Variants in LRRD1 observed in about 807,000 individuals in gnomAD.
LRRD1 encodes the protein leucine rich repeats and death domain containing 1, also known as leucine-rich repeat and death domain-containing protein 1.
In LRRD1, 49 loss-of-function variants were observed where a neutral mutation model predicts 69.5. That is an observed-to-expected ratio of 0.70 (90% CI 0.56 to 0.89). The LOEUF is 0.89. LRRD1 is among the 40% of genes least tolerant of loss of function. The pLI, the probability that LRRD1 is intolerant of heterozygous loss-of-function variation, is 0.00. For missense variants in LRRD1, 853 were observed against 956.0 expected (o/e 0.89, Z 1.42); for synonymous variants, 303 against 338.9 (o/e 0.89, Z 1.16).
intron 3 of LRRD1, among the ~76,000 whole-genome samples, chr7:92,155,403 A>G (rs987697777): frequency 6.6e-5 from 10 of 152,158 alleles, no homozygotes; most frequent in Non-Finnish European, 1.0e-4. Flanking sequence ...TGAATTGTTT[A>G]TTTCTGGAAT....
In LRRD1 at chr7:92,151,962, AAAG is replaced by A. The variant is rs1820479395; in HGVS notation, c.2117-1270_2117-1268del. On this transcript the variant is annotated intron_variant, in intron 3 of 5. Transcript: ENST00000458448. ...GGAACTCCATCTCAAAAAAAAAAAA[AAAG>A]AAGTAAAACTGTGGTAAAAATGAAT... Among the ~76,000 whole-genome samples, 6 of 151,342 alleles carry A rather than the reference AAAG, an allele frequency of 4.0e-5. No individual in the cohort carries two copies. In the East Asian group the frequency reaches 1.2e-3, roughly 29 times the overall value.
chr7:92,153,430 T>A (rs1351493637), intron 3 of LRRD1, among the ~76,000 whole-genome samples: 1 of 152,164 alleles, frequency 6.6e-6, no homozygotes, highest in Admixed American at 6.5e-5. Context: ...TATACCAATT[T>A]TTATTAAGTT....
intron 1 of LRRD1, among the ~76,000 whole-genome samples, chr7:92,170,019 T>A (rs1275635054): frequency 6.7e-6 from 1 of 149,080 alleles, no homozygotes; most frequent in East Asian, 2.0e-4. Context: ...GCAGTTAAGC[T>A]GAGCCAAGAT....
intron 1 of LRRD1, among the ~76,000 whole-genome samples, chr7:92,170,003 G>A (rs191377636): frequency 6.6e-6 from 1 of 151,816 alleles, no homozygotes; most frequent in Non-Finnish European, 1.5e-5. Flanking sequence ...CCAGGAGGTT[G>A]AGGCTGCAGT....
chr7:92,144,401 G>A (rs536379134), downstream of LRRD1, among the ~76,000 whole-genome samples: 1 of 152,140 alleles, frequency 6.6e-6, no homozygotes, highest in South Asian at 2.1e-4. Context: ...GGCCCAGGCG[G>A]GCAGATCACA....
Position 92,144,864 on chromosome 7 carries a change from C to T in LRRD1, c.*24G>A. Reference sequence around the variant, plus strand: ...CAATTATAAGTGCATCAAAAGTTTTCAGTTTTTATTATTGATCCACTGGTT... The same window carrying T: ...CAATTATAAGTGCATCAAAAGTTTTTAGTTTTTATTATTGATCCACTGGTT... On this transcript the variant is annotated 3_prime_UTR_variant, in exon 6 of 6. Coordinates refer to ENST00000458448, the MANE Select transcript of LRRD1 (RefSeq NM_001161528.2). The T allele has an allele frequency of 7.2e-7, 1 of 1,397,634 alleles. No homozygotes were observed. The highest frequency in any genetic ancestry group is 9.5e-7 in the Non-Finnish European group (1 of 1,047,840). 86.6% of individuals were successfully genotyped at this position (1,397,634 alleles called of 1,614,324 possible). A position where few individuals can be genotyped will look rare whatever the true frequency, so the allele number is the denominator to read the frequency against.
downstream of LRRD1, chr7:92,142,087 C>A (rs1216925818): frequency 5.6e-6 from 1 of 177,138 alleles, no homozygotes; most frequent in Non-Finnish European, 1.2e-5. Context: ...GAACTACAGG[C>A]GCCCGCCACC....
chr7:92,154,302 C>T (rs552577522), intron 3 of LRRD1, among the ~76,000 whole-genome samples: 2 of 152,006 alleles, frequency 1.3e-5, no homozygotes, highest in East Asian at 3.9e-4. Flanking sequence ...TGCAGTGGCA[C>T]GATCTTGGCT....
chr7:92,163,342 G>C lies in LRRD1; in HGVS notation c.1861C>G (p.Leu621Val), dbSNP rs956367615. 3.9e-6 allele frequency: 6 copies of C among 1,536,340 alleles called. No homozygotes were observed. The African/African-American group carries it at 8.3e-5, about 21-fold the overall frequency. Residue 621 changes from leucine (L) to valine (V), a missense_variant, in exon 2 of 6, where the codon CTG becomes GTG. Around this residue, in one of 3 missense-constraint regions of LRRD1, gnomAD observed 739 missense variants for 808.0 expected, o/e 0.91. Transcript: ENST00000458448. ...TGTTCCAGTGATTGAAGTTGGCACAGTTCAATAGGAAAATGTATAAATTGA... is the reference window on the plus strand; with the variant it reads ...TGTTCCAGTGATTGAAGTTGGCACACTTCAATAGGAAAATGTATAAATTGA... ...SNQFIHFPIE[L>V]CQLQSLEQLN...
chr7:92,154,053 G>A (rs904963612), intron 3 of LRRD1, among the ~76,000 whole-genome samples: 2 of 151,888 alleles, frequency 1.3e-5, no homozygotes, highest in Non-Finnish European at 2.9e-5. Flanking sequence ...GGCTAGGCTG[G>A]TCTCGAACTC....
At chr7:92,165,681 CA>C (rs1224566904) in intron 1 of LRRD1, among the ~76,000 whole-genome samples, 1 of 151,746 alleles carries the variant, frequency 6.6e-6, no homozygotes, top group African/African-American at 2.4e-5. Flanking sequence ...CCTAACATGG[CA>C]AAACCCTGTC....
intron 1 of LRRD1, among the ~76,000 whole-genome samples, chr7:92,169,038 TTTCCCAAG>T (rs1788989199): frequency 6.6e-6 from 1 of 152,112 alleles, no homozygotes; most frequent in Non-Finnish European, 1.5e-5. Flanking sequence ...TGTGCCTCAG[TTTCCCAAG>T]TAGCTGGGAT....
chr7:92,172,673 G>A (rs184889492), intron 1 of LRRD1, among the ~76,000 whole-genome samples: 29 of 152,096 alleles, frequency 1.9e-4, no homozygotes, highest in African/African-American at 6.7e-4. Flanking sequence ...AGAAAACACT[G>A]ATGAAAAAAA....
intron 2 of LRRD1, among the ~76,000 whole-genome samples, chr7:92,159,965 C>T (rs970479231): frequency 5.3e-5 from 8 of 152,058 alleles, no homozygotes; most frequent in African/African-American, 1.9e-4. Flanking sequence ...TTTAGATTTT[C>T]TAAATGACAT....
At chr7:92,145,294 T>C (rs1024402058) in intron 5 of LRRD1, among the ~76,000 whole-genome samples, 1 of 152,104 alleles carries the variant, frequency 6.6e-6, no homozygotes, top group African/African-American at 2.4e-5. Flanking sequence ...GCTTGGGACA[T>C]AGAAAGTGAA....
chr7:92,163,180 G>A (rs1007539877), intron 2 of LRRD1, 106 bp downstream of exon 2: 4 of 666,836 alleles, frequency 6.0e-6, no homozygotes, highest in Non-Finnish European at 8.8e-6. Context: ...AAATATTTCA[G>A]CTCAACTTAA....
chr7:92,144,871 T>A lies in LRRD1; in HGVS notation c.*17A>T. 7.0e-7 allele frequency: 1 copy of A among 1,432,334 alleles called. No homozygotes were observed. The highest frequency in any genetic ancestry group is 1.5e-5 in the South Asian group (1 of 64,542). 88.7% of individuals were successfully genotyped at this position (1,432,334 alleles called of 1,614,324 possible). ...AAGTGCATCAAAAGTTTTCAGTTTT[T>A]ATTATTGATCCACTGGTTAGAATTT... On this transcript the variant is annotated 3_prime_UTR_variant, in exon 6 of 6. Coordinates refer to ENST00000458448, the MANE Select transcript of LRRD1 (RefSeq NM_001161528.2).
At chr7:92,148,613 C>G (rs1339456676) in intron 4 of LRRD1, among the ~76,000 whole-genome samples, 2 of 152,134 alleles carry the variant, frequency 1.3e-5, no homozygotes, top group African/African-American at 4.8e-5. Context: ...AATATGAAGG[C>G]TCCTTGGGTG....
At chr7:92,174,800 A>T (rs1338573594) in intron 1 of LRRD1, among the ~76,000 whole-genome samples, 1 of 151,644 alleles carries the variant, frequency 6.6e-6, no homozygotes, top group Non-Finnish European at 1.5e-5. Flanking sequence ...GGTGGCTCAC[A>T]CCTGTAATCC....
Sources: allele counts gnomAD v4.1 joint callset (sites outside exome capture counted in the v4.1 genomes callset), GRCh38; gene constraint gnomAD v4.1.1; regional missense constraint gnomAD v4.1.1; transcripts MANE v1.5; gene names NCBI Gene and HGNC (gene_info 2026-07-23, HGNC 2026-07-21).